The following DGKB variants were observed in gnomAD, a reference collection of about 807,000 sequenced individuals.
DGKB encodes 90 kDa diacylglycerol kinase.
In DGKB, 67 loss-of-function variants were observed where a neutral mutation model predicts 114.3. That is an observed-to-expected ratio of 0.59 (90% CI 0.48 to 0.72). DGKB has a LOEUF of 0.72. Ranked by LOEUF, DGKB falls within the 30% of genes least tolerant of loss-of-function variation. The pLI is 0.00. For synonymous variants in DGKB, 398 were observed against 323.1 expected (o/e 1.23, Z -2.49); for missense variants, 907 against 975.2 (o/e 0.93, Z 0.93).
chr7:14,294,491 G>A (rs1013976844), intron 23 of DGKB, among the ~76,000 whole-genome samples: 1 of 152,130 alleles, frequency 6.6e-6, no homozygotes, highest in African/African-American at 2.4e-5. Context: ...ACCATACTTG[G>A]CCAAATGAAT....
chr7:14,840,248 T>C (rs1157116584), intron 2 of DGKB, among the ~76,000 whole-genome samples: 1 of 152,178 alleles, frequency 6.6e-6, no homozygotes, highest in Non-Finnish European at 1.5e-5. Context: ...TTTCCACTTC[T>C]TGCATTTTAT....
intron 13 of DGKB, among the ~76,000 whole-genome samples, chr7:14,636,593 A>G (rs957073802): frequency 1.3e-5 from 2 of 151,868 alleles, no homozygotes; most frequent in Admixed American, 6.6e-5. Flanking sequence ...ATTTTTGAAA[A>G]GAGTACAAGA....
rs1822314825 is a variant in DGKB, at chr7:14,689,205, T to TTTTTTTTTTA, written c.712-3844_712-3843insTAAAAAAAAA. Reference sequence around the variant, plus strand: ...TGTGACAGAAACTCCTCTTATTTTTTTTTTTTTTTTTTTTTTTTTGAGAGG... The same window carrying TTTTTTTTTTA: ...TGTGACAGAAACTCCTCTTATTTTTTTTTTTTTTTATTTTTTTTTTTTTTTTTTTGAGAGG... On this transcript the variant is annotated intron_variant, in intron 9 of 25. Transcript: ENST00000402815. 1.7e-5 allele frequency among the ~76,000 whole-genome samples: 2 copies of TTTTTTTTTTA among 121,138 alleles called. 1 individual carries two copies. The highest frequency in any genetic ancestry group is 3.6e-5 in the Non-Finnish European group (2 of 55,798). 79.5% of individuals were successfully genotyped at this position (121,138 alleles called of 152,430 possible).
At chr7:14,958,506 A>AAAACAAAG (rs1342382120) in intron 1 of DGKB, among the ~76,000 whole-genome samples, 1 of 150,778 alleles carries the variant, frequency 6.6e-6, no homozygotes, top group East Asian at 2.0e-4. Flanking sequence ...TAAAGTCAGA[A>AAAACAAAG]AAACAAAGAA....
intron 25 of DGKB, among the ~76,000 whole-genome samples, chr7:14,154,987 A>T (rs995053360): frequency 1.3e-5 from 2 of 152,072 alleles, no homozygotes; most frequent in East Asian, 3.9e-4. Flanking sequence ...AGGAACACTG[A>T]CATCATTGTT....
intron 14 of DGKB, among the ~76,000 whole-genome samples, chr7:14,624,120 G>A (rs1363161378): frequency 6.6e-6 from 1 of 152,072 alleles, no homozygotes; most frequent in African/African-American, 2.4e-5. Context: ...GTGTGTGTAT[G>A]AAAAAACATT....
At chr7:14,520,208 C>CTTTTTTTTTTTT (rs1319688779) in intron 20 of DGKB, among the ~76,000 whole-genome samples, 8 of 89,258 alleles carry the variant, frequency 9.0e-5, no homozygotes, top group Admixed American at 1.3e-4. Flanking sequence ...ATCTTTTTTC[C>CTTTTTTTTTTTT]TATTTTTTTT....
At chr7:14,767,220 T>C (rs976112044) in intron 2 of DGKB, among the ~76,000 whole-genome samples, 1 of 151,252 alleles carries the variant, frequency 6.6e-6, no homozygotes, top group Non-Finnish European at 1.5e-5. Context: ...AAAAAAAAAA[T>C]TTTTAAACAC....
intron 1 of DGKB, among the ~76,000 whole-genome samples, chr7:14,914,131 T>C (rs1784124062): frequency 6.6e-6 from 1 of 152,180 alleles, no homozygotes; most frequent in Non-Finnish European, 1.5e-5. Flanking sequence ...ATAGTATTTA[T>C]AATGAAGAAT....
At chr7:14,695,121 TAGA>T (rs1823587585) in intron 8 of DGKB, among the ~76,000 whole-genome samples, 1 of 152,212 alleles carries the variant, frequency 6.6e-6, no homozygotes, top group South Asian at 2.1e-4. Context: ...GATTTGTTGG[TAGA>T]AGTATTGTCT....
chr7:14,272,914 G>C (rs181683966), intron 23 of DGKB, among the ~76,000 whole-genome samples: 31 of 152,198 alleles, frequency 2.0e-4, no homozygotes, highest in Non-Finnish European at 4.3e-4. Flanking sequence ...GTTGAGACTA[G>C]AGAATCTATT....
At chr7:14,300,740 G>C (rs529316309) in intron 23 of DGKB, among the ~76,000 whole-genome samples, 3 of 151,832 alleles carry the variant, frequency 2.0e-5, no homozygotes, top group African/African-American at 4.8e-5. Flanking sequence ...CAAGTGTATC[G>C]TTCACAAAAA....
chr7:14,748,290 T>C (rs1178634965), intron 4 of DGKB, among the ~76,000 whole-genome samples: 1 of 152,144 alleles, frequency 6.6e-6, no homozygotes, highest in Non-Finnish European at 1.5e-5. Flanking sequence ...CAATGTCTAA[T>C]GGTATTAAAT....
intron 21 of DGKB, among the ~76,000 whole-genome samples, chr7:14,395,819 A>G (rs114522593): frequency 0.013 from 1,959 of 152,028 alleles, 33 homozygotes; most frequent in African/African-American, 0.041. Flanking sequence ...AAATTCTTGA[A>G]CATCTATATA....
chr7:14,408,348 A>C (rs1313401781), intron 21 of DGKB, among the ~76,000 whole-genome samples: 1 of 152,130 alleles, frequency 6.6e-6, no homozygotes, highest in African/African-American at 2.4e-5. Context: ...AGAACAGAAT[A>C]AGGACATTTC....
chr7:14,790,440 A>G (rs1290572140), intron 2 of DGKB, among the ~76,000 whole-genome samples: 4 of 128,470 alleles, frequency 3.1e-5, no homozygotes, highest in African/African-American at 1.1e-4. Context: ...TGTTTTAAAT[A>G]TAAGACCACA....
At position 14,967,666 on chromosome 7, in the gene DGKB, A is replaced by G. The variant is rs556149365; in HGVS notation, c.-188+7030T>C. 2.6e-5 allele frequency among the ~76,000 whole-genome samples: 4 copies of G among 151,674 alleles called. No individual in the cohort carries two copies. In the East Asian group the frequency reaches 7.7e-4, roughly 29 times the overall value. On this transcript the variant is annotated intron_variant, in intron 1 of 4. Transcript: ENST00000437998. ...ATGTGATTTATTAAAAAAAAAAAAA[A>G]AAAAAAAAAGTCTTTCATAATTAAA...
At chr7:14,442,949 T>A (rs1326132501) in intron 21 of DGKB, among the ~76,000 whole-genome samples, 1 of 152,136 alleles carries the variant, frequency 6.6e-6, no homozygotes, top group Non-Finnish European at 1.5e-5. Context: ...AAAATTCACC[T>A]TAACATTACC....
At chr7:14,710,570 C>T (rs1044492309) in intron 6 of DGKB, among the ~76,000 whole-genome samples, 11 of 151,960 alleles carry the variant, frequency 7.2e-5, no homozygotes, top group African/African-American at 2.7e-4. Context: ...TGTCTTGTTC[C>T]CAATATCAAT....
Sources: allele counts gnomAD v4.1 joint callset (sites outside exome capture counted in the v4.1 genomes callset), GRCh38; gene constraint gnomAD v4.1.1; transcripts MANE v1.5; gene names NCBI Gene and HGNC (gene_info 2026-07-23, HGNC 2026-07-21).